Variants in AKR1D1 observed in about 807,000 individuals in gnomAD.
AKR1D1 encodes the protein delta(4)-3-ketosteroid 5-beta-reductase.
A neutral mutation model predicts 42.6 loss-of-function variants in AKR1D1; 32 were observed. That is an observed-to-expected ratio of 0.75 (90% CI 0.57 to 1.01). The LOEUF is 1.01. AKR1D1 is among the 50% of genes least tolerant of loss of function. AKR1D1 has a pLI of 0.00. For missense variants in AKR1D1, 364 were observed against 402.2 expected, an observed-to-expected ratio of 0.91 and a Z score of 0.81; for synonymous variants, 123 against 135.5, an observed-to-expected ratio of 0.91 and a Z score of 0.64.
At chr7:138,083,359 A>T (rs931306804) in intron 1 of AKR1D1, among the ~76,000 whole-genome samples, 3 of 152,156 alleles carry the variant, frequency 2.0e-5, no homozygotes, top group Non-Finnish European at 4.4e-5. Flanking sequence ...TGTCTACTCA[A>T]GTCCTTTGTC....
intron 1 of AKR1D1, among the ~76,000 whole-genome samples, chr7:138,081,344 C>T (rs532785099): frequency 2.6e-5 from 4 of 151,948 alleles, no homozygotes; most frequent in Non-Finnish European, 5.9e-5. Flanking sequence ...TTCCACCTTC[C>T]TCTTGATGCT....
intron 4 of AKR1D1, 51 bp downstream of exon 4, chr7:138,097,994 G>A (rs1268067398): frequency 1.5e-6 from 2 of 1,323,560 alleles, no homozygotes; most frequent in East Asian, 2.3e-5. Flanking sequence ...TTAAAACTGT[G>A]ATCTGATTAT....
At chr7:138,111,429 ACCAGTGACCT>A (rs1444388727) in intron 7 of AKR1D1, among the ~76,000 whole-genome samples, 1 of 152,240 alleles carries the variant, frequency 6.6e-6, no homozygotes, top group African/African-American at 2.4e-5. Context: ...TGTCAAAGTT[ACCAGTGACCT>A]CCACATTGCT....
intron 4 of AKR1D1, among the ~76,000 whole-genome samples, chr7:138,100,948 C>T (rs1326092751): frequency 6.6e-6 from 1 of 151,944 alleles, no homozygotes; most frequent in Non-Finnish European, 1.5e-5. Flanking sequence ...TTGTGATCCA[C>T]CCTCCTCCGC....
chr7:138,103,687 A>G (rs1167166583), intron 4 of AKR1D1, among the ~76,000 whole-genome samples: 1 of 152,174 alleles, frequency 6.6e-6, no homozygotes, highest in African/African-American at 2.4e-5. Flanking sequence ...CTATATTAAT[A>G]TCATATAACA....
intron 1 of AKR1D1, among the ~76,000 whole-genome samples, chr7:138,083,525 T>A (rs907140373): frequency 2.0e-5 from 3 of 152,192 alleles, no homozygotes; most frequent in African/African-American, 7.2e-5. Flanking sequence ...TATTTTCTTC[T>A]ATTCCATAAG....
chr7:138,104,290 A>G (rs2117457538), intron 4 of AKR1D1, among the ~76,000 whole-genome samples: 1 of 152,344 alleles, frequency 6.6e-6, no homozygotes, highest in Non-Finnish European at 1.5e-5. Context: ...AATTTTATAT[A>G]TAACATGTGT....
chr7:138,088,684 A>T lies in AKR1D1; in HGVS notation c.177A>T (p.Gln59His), dbSNP rs370290249. The T allele has an allele frequency of 3.7e-6, 6 of 1,613,946 alleles. No homozygotes were observed. The highest frequency in any genetic ancestry group is 5.1e-6 in the Non-Finnish European group (6 of 1,179,996). The change falls in exon 2 of 9, where the codon CAA becomes CAT. Residue 59 changes from glutamine (Q) to histidine (H), a missense_variant. Coordinates refer to ENST00000242375, the MANE Select transcript of AKR1D1 (RefSeq NM_005989.4). The stretch of plus-strand genomic sequence containing the variant: ...ATATTGATGGGGCCTACATCTACCA[A>T]AATGAACACGAAGTTGGGGAGGCCA... ...YRHIDGAYIY[Q>H]NEHEVGEAIR...
intron 7 of AKR1D1, among the ~76,000 whole-genome samples, chr7:138,110,425 C>A (rs956442576): frequency 4.6e-5 from 7 of 151,858 alleles, no homozygotes; most frequent in Non-Finnish European, 1.0e-4. Flanking sequence ...AAAGCGAGAT[C>A]CCATTGCTTT....
intron 7 of AKR1D1, among the ~76,000 whole-genome samples, chr7:138,108,637 G>A (rs537369577): frequency 9.9e-5 from 15 of 152,210 alleles, no homozygotes; most frequent in South Asian, 4.2e-4. Flanking sequence ...AGTGGTTACC[G>A]GAGGCTGAGA....
rs369864342 is a variant in AKR1D1, at chr7:138,116,833, T to C, written c.*171T>C. 1.3e-4 allele frequency: 74 copies of C among 576,162 alleles called. No homozygotes were observed. The East Asian group carries it at 1.5e-3, about 12-fold the overall frequency. The allele number at this position is 576,162 out of a possible 1,614,324, so 35.7% of individuals were successfully genotyped here. On this transcript the variant is annotated 3_prime_UTR_variant, in exon 9 of 9. Transcript: ENST00000242375. ...TGTAAATGACTTTGACTCAGTCACATTGAAGTAAAAATATTAAAATCTGTT... is the reference window on the plus strand; with the variant it reads ...TGTAAATGACTTTGACTCAGTCACACTGAAGTAAAAATATTAAAATCTGTT...
intron 1 of AKR1D1, among the ~76,000 whole-genome samples, chr7:138,077,181 C>G (rs982359759): frequency 1.3e-5 from 2 of 152,138 alleles, no homozygotes; most frequent in Admixed American, 1.3e-4. Flanking sequence ...CATTCTCATG[C>G]TGCTATTAAA....
At position 138,105,366 on chromosome 7, in the gene AKR1D1, C is replaced by T; in HGVS notation, c.516C>T (p.Asn172=). 1 of 1,614,130 alleles carries T rather than the reference C, an allele frequency of 6.2e-7. No homozygotes were observed. The change falls in exon 5 of 9, where the codon AAC becomes AAT. Residue 172 remains asparagine, a synonymous_variant. Transcript: ENST00000242375. ...AATCCCTGGGAGTGTCCAATTTTAA[C>T]CGCAGGCAGCTGGAGCTCATCCTGA... ...LVKSLGVSNF[N]RRQLELILNK... is the part of the protein sequence containing the mutation.
At chr7:138,104,749 G>A (rs1396340619) in intron 4 of AKR1D1, among the ~76,000 whole-genome samples, 1 of 151,228 alleles carries the variant, frequency 6.6e-6, no homozygotes, top group Non-Finnish European at 1.5e-5. Context: ...TCAAGAAGTA[G>A]GATCATTTTA....
chr7:138,101,878 C>A (rs1279728380), intron 4 of AKR1D1, among the ~76,000 whole-genome samples: 1 of 152,090 alleles, frequency 6.6e-6, no homozygotes, highest in East Asian at 1.9e-4. Context: ...AATGTAATCC[C>A]AGTCAAAATC....
chr7:138,116,104 C>G (rs1229674347), intron 8 of AKR1D1, among the ~76,000 whole-genome samples: 1 of 151,932 alleles, frequency 6.6e-6, no homozygotes, highest in Admixed American at 6.6e-5. Flanking sequence ...CTTGGGAGCC[C>G]AGGAGTTTGA....
rs61466734 is a variant in AKR1D1, at chr7:138,081,506, CTTTTTTTTTTTTTTTTTT to C, written c.93+4914_93+4931del. Among the ~76,000 whole-genome samples the C allele has an allele frequency of 1.5e-3, 70 of 47,700 alleles. No homozygotes were observed. The South Asian group carries it at 0.022, about 15-fold the overall frequency. The allele number at this position is 47,700 out of a possible 152,430, so 31.3% of individuals were successfully genotyped here. ...TCCAAAATATAAAAGGAACTCCTAC[CTTTTTTTTTTTTTTTTTT>C]TTTTTTTTTTTTTTTTTTGAGACAG... On this transcript the variant is annotated intron_variant, in intron 1 of 8. Coordinates refer to ENST00000242375, the MANE Select transcript of AKR1D1 (RefSeq NM_005989.4).
chr7:138,113,585 A>T, intron 7 of AKR1D1, 105 bp from the exon 8 acceptor site: 1 of 928,804 alleles, frequency 1.1e-6, no homozygotes, highest in South Asian at 1.4e-5. Flanking sequence ...CCTCTTAGAC[A>T]TTTGCAGAGA....
intron 4 of AKR1D1, among the ~76,000 whole-genome samples, chr7:138,100,498 A>G (rs942452650): frequency 7.9e-5 from 12 of 152,150 alleles, no homozygotes; most frequent in Non-Finnish European, 1.3e-4. Flanking sequence ...TAGTAAAAAT[A>G]AAGCTGCAGT....
Sources: allele counts gnomAD v4.1 joint callset (sites outside exome capture counted in the v4.1 genomes callset), GRCh38; gene constraint gnomAD v4.1.1; transcripts MANE v1.5; gene names NCBI Gene and HGNC (gene_info 2026-07-23, HGNC 2026-07-21).